The following SAMSN1 variants were observed in gnomAD, a reference collection of about 807,000 sequenced individuals.
The protein encoded by SAMSN1 is SAM domain, SH3 domain and nuclear localization signals 1.
SAMSN1 carries 31 observed loss-of-function variants against 42.0 expected under a neutral mutation model. That is an observed-to-expected ratio of 0.74 (90% confidence interval 0.55 to 1.00). The LOEUF (loss-of-function observed/expected upper bound fraction) is 1.00, where lower values mean the gene tolerates loss of function less well. SAMSN1 is among the 50% of genes least tolerant of loss of function. The pLI, the probability that SAMSN1 is intolerant of heterozygous loss-of-function variation, is 0.00. For missense variants in SAMSN1, 464 were observed against 439.4 expected (o/e 1.06, Z -0.50); for synonymous variants, 178 against 151.9 (o/e 1.17, Z -1.26).
chr21:14,538,000 T>A (rs1037193042), intron 1 of SAMSN1, among the ~76,000 whole-genome samples: 7 of 152,210 alleles, frequency 4.6e-5, no homozygotes, highest in Non-Finnish European at 1.0e-4. Context: ...CTTCATTTTC[T>A]CCTGACTTGT....
At chr21:14,633,237 C>G (rs572819037) in intron 2 of SAMSN1, among the ~76,000 whole-genome samples, 38 of 152,156 alleles carry the variant, frequency 2.5e-4, no homozygotes, top group African/African-American at 9.2e-4. Context: ...CATGCACACC[C>G]TATTACTTCT....
At chr21:14,587,995 T>G, upstream of SAMSN1, among the ~76,000 whole-genome samples, 1 of 136,778 alleles carries the variant, frequency 7.3e-6, no homozygotes, top group Non-Finnish European at 1.6e-5. Context: ...GAATATGCGG[T>G]GTTTGGTTTT....
intron 7 of SAMSN1, among the ~76,000 whole-genome samples, chr21:14,492,138 G>A (rs942263107): frequency 5.3e-5 from 8 of 151,888 alleles, no homozygotes; most frequent in Non-Finnish European, 8.8e-5. Flanking sequence ...TTGTGCATTC[G>A]TATCTTGAAT....
chr21:14,640,936 A>G (rs1983580080), intron 2 of SAMSN1, among the ~76,000 whole-genome samples: 1 of 152,178 alleles, frequency 6.6e-6, no homozygotes, highest in Non-Finnish European at 1.5e-5. Context: ...CTTTTGCAAT[A>G]TAAATGAAGT....
rs7283623 is a variant in SAMSN1, at chr21:14,543,159, G to A, written c.57+3046C>T. Among the ~76,000 whole-genome samples the A allele has an allele frequency of 2.3e-3, 356 of 152,204 alleles. 1 individual carries two copies. The highest frequency in any genetic ancestry group is 7.4e-3 in the African/African-American group (308 of 41,518). On this transcript the variant is annotated intron_variant, in intron 1 of 7. Transcript: ENST00000400566. ...ATTAACATTCCAGTACATGCAATGG[G>A]TTTCTTTTGTAATAATTCTGCAAGA...
intron 2 of SAMSN1, among the ~76,000 whole-genome samples, chr21:14,626,678 G>C (rs1343428879): frequency 6.6e-6 from 1 of 152,206 alleles, no homozygotes; most frequent in East Asian, 1.9e-4. Flanking sequence ...CACTGTTGGT[G>C]GGACTGTAAA....
chr21:14,643,471 C>T (rs1983644126), intron 1 of SAMSN1, among the ~76,000 whole-genome samples: 1 of 152,134 alleles, frequency 6.6e-6, no homozygotes, highest in East Asian at 1.9e-4. Context: ...TTTTGAGACA[C>T]CAATAAACTG....
At chr21:14,537,527 A>G (rs1979707774) in intron 1 of SAMSN1, among the ~76,000 whole-genome samples, 1 of 152,200 alleles carries the variant, frequency 6.6e-6, no homozygotes, top group Non-Finnish European at 1.5e-5. Context: ...TTTAATAGAC[A>G]TTTGTTGCGT....
At chr21:14,625,728 C>T (rs996569233) in intron 2 of SAMSN1, among the ~76,000 whole-genome samples, 8 of 152,112 alleles carry the variant, frequency 5.3e-5, no homozygotes, top group African/African-American at 1.9e-4. Flanking sequence ...GATTCAATGC[C>T]ATCCCCATCA....
intron 2 of SAMSN1, among the ~76,000 whole-genome samples, chr21:14,566,161 G>T (rs895654609): frequency 6.6e-6 from 1 of 152,128 alleles, no homozygotes; most frequent in African/African-American, 2.4e-5. Context: ...TTAGTCAAAG[G>T]AGACTTTTCT....
intron 1 of SAMSN1, among the ~76,000 whole-genome samples, chr21:14,650,618 T>C (rs1455749961): frequency 6.6e-6 from 1 of 151,804 alleles, no homozygotes; most frequent in Non-Finnish European, 1.5e-5. Flanking sequence ...CAATGCATCC[T>C]AAGGAACTAG....
At chr21:14,578,930 C>T (rs1443258849) in intron 2 of SAMSN1, among the ~76,000 whole-genome samples, 2 of 152,190 alleles carry the variant, frequency 1.3e-5, no homozygotes, top group Non-Finnish European at 2.9e-5. Context: ...ACATTCATTA[C>T]AGAAGCACAT....
At chr21:14,496,505 C>T (rs1986921045) in intron 7 of SAMSN1, 1 of 152,230 alleles carries the variant, frequency 6.6e-6, no homozygotes, top group Non-Finnish European at 1.5e-5. Context: ...GGCAATGACA[C>T]TGGACATTGT....
intron 1 of SAMSN1, among the ~76,000 whole-genome samples, chr21:14,531,634 AC>A (rs757411628): frequency 1.8e-4 from 28 of 152,160 alleles, no homozygotes; most frequent in Non-Finnish European, 3.7e-4. Context: ...ATATTTCCTA[AC>A]AGTTTACCCA....
At position 14,656,117 on chromosome 21, in the gene SAMSN1, T is replaced by A. The variant is rs77968532; in HGVS notation, c.24+2631A>T. Among the ~76,000 whole-genome samples, 708 of 151,924 alleles carry A rather than the reference T, an allele frequency of 4.7e-3. 8 individuals carry two copies. The highest frequency in any genetic ancestry group is 0.014 in the African/African-American group (594 of 41,548). On this transcript the variant is annotated intron_variant, in intron 1 of 15. Transcript: ENST00000647101. Reference sequence around the variant, plus strand: ...TTGTGGATGAAAAGACCTAGCACCATAATGAAGTCAATTTCCCCTAAAAAT... The same window carrying A: ...TTGTGGATGAAAAGACCTAGCACCAAAATGAAGTCAATTTCCCCTAAAAAT...
intron 5 of SAMSN1, among the ~76,000 whole-genome samples, chr21:14,502,635 C>T (rs183586052): frequency 2.5e-4 from 38 of 152,276 alleles, no homozygotes; most frequent in African/African-American, 8.7e-4. Flanking sequence ...AGTTGAAAGA[C>T]TATCCTGAGT....
rs565466092 is a variant in SAMSN1, at chr21:14,499,133, A to T, written c.769-541T>A. On this transcript the variant is annotated intron_variant, in intron 6 of 7. Coordinates refer to ENST00000400566, the MANE Select transcript of SAMSN1 (RefSeq NM_022136.5). Reference sequence around the variant, plus strand: ...ATTTTGATTGAAAGGCATTATGTAAACCAAAAGAATTGGAGACTTTCTATT... The same window carrying T: ...ATTTTGATTGAAAGGCATTATGTAATCCAAAAGAATTGGAGACTTTCTATT... 9.8e-5 allele frequency among the ~76,000 whole-genome samples: 15 copies of T among 152,314 alleles called. No individual in the cohort carries two copies. In the South Asian group the frequency reaches 2.9e-3, roughly 29 times the overall value.
At position 14,612,437 on chromosome 21, in the gene SAMSN1, G is replaced by C. The variant is rs187836011; in HGVS notation, c.235+439C>G. On this transcript the variant is annotated intron_variant, in intron 4 of 15. Transcript: ENST00000647101. Reference sequence around the variant, plus strand: ...GATTGCATGTATTATTACTATGAATGCTATCACAGAAACTAAAGAGAAGAT... The same window carrying C: ...GATTGCATGTATTATTACTATGAATCCTATCACAGAAACTAAAGAGAAGAT... 12 of 259,192 alleles carry C rather than the reference G, an allele frequency of 4.6e-5. No homozygotes were observed. In the Admixed American group the frequency reaches 5.7e-4, roughly 12 times the overall value. 16.1% of individuals were successfully genotyped at this position (259,192 alleles called of 1,614,324 possible).
Position 14,567,280 on chromosome 21 carries a change from C to T in SAMSN1, c.261+14856G>A, listed in dbSNP as rs142628551. ...TAAGTCAGGTGAATGGTTTTTAATC[C>T]GGCTTGGACGGCAAGCTTGAAAAAA... On this transcript the variant is annotated intron_variant, in intron 2 of 8. Transcript: ENST00000285670. 2.3e-3 allele frequency among the ~76,000 whole-genome samples: 323 copies of T among 139,404 alleles called. 1 individual carries two copies. Among genetic ancestry groups the T allele is most frequent in the African/African-American group, 6.7e-3 (242 of 36,338 alleles). 91.5% of individuals were successfully genotyped at this position (139,404 alleles called of 152,430 possible). A position where few individuals can be genotyped will look rare whatever the true frequency, so the allele number is the denominator to read the frequency against.
Sources: allele counts gnomAD v4.1 joint callset (sites outside exome capture counted in the v4.1 genomes callset), GRCh38; gene constraint gnomAD v4.1.1; transcripts MANE v1.5; gene names NCBI Gene and HGNC (gene_info 2026-07-23, HGNC 2026-07-21).